The following HIVEP1 variants were observed in gnomAD, a reference collection of about 807,000 sequenced individuals.
HIVEP1 encodes the protein zinc finger protein 40.
A neutral mutation model predicts 180.0 loss-of-function variants in HIVEP1; 36 were observed. The ratio of observed to expected loss-of-function variants is 0.20; its 90% CI spans 0.15 to 0.26. The LOEUF is 0.26. Ranked by LOEUF, HIVEP1 falls within the 10% of genes least tolerant of loss-of-function variation. HIVEP1 has a pLI of 1.00. For synonymous variants in HIVEP1, 1,239 were observed against 1,239.0 expected (o/e 1.00, Z 0.00); for missense variants, 3,143 against 3,268.7 (o/e 0.96, Z 0.94).
chr6:12,058,081 T>C (rs1770991900), intron 2 of HIVEP1, among the ~76,000 whole-genome samples: 1 of 152,144 alleles, frequency 6.6e-6, no homozygotes, highest in Admixed American at 6.5e-5. Flanking sequence ...GGCCAGCATG[T>C]TGAGTTGTCA....
chr6:12,018,625 C>T (rs1767994327), intron 2 of HIVEP1, among the ~76,000 whole-genome samples: 1 of 152,078 alleles, frequency 6.6e-6, no homozygotes, highest in African/African-American at 2.4e-5. Context: ...TTGTAGGGGG[C>T]GCAGTTTGGG....
At chr6:12,147,481 T>G (rs1759448658) in intron 7 of HIVEP1, among the ~76,000 whole-genome samples, 1 of 152,230 alleles carries the variant, frequency 6.6e-6, no homozygotes, top group African/African-American at 2.4e-5. Flanking sequence ...TTATAGGGCT[T>G]TTAATCTGTG....
At chr6:12,167,898 A>T (rs1320489543), downstream of HIVEP1, among the ~76,000 whole-genome samples, 3 of 142,486 alleles carry the variant, frequency 2.1e-5, no homozygotes, top group Non-Finnish European at 4.6e-5. Flanking sequence ...ATGTGCGTAT[A>T]TAATATATAC....
Position 12,121,071 on chromosome 6 carries a change from C to T in HIVEP1, c.1276C>T (p.Arg426Cys), listed in dbSNP as rs756206724. 1 of 1,614,044 alleles carries T rather than the reference C, an allele frequency of 6.2e-7. No individual in the cohort carries two copies. The highest frequency in any genetic ancestry group is 8.5e-7 in the Non-Finnish European group (1 of 1,179,946). The change falls in exon 4 of 9, where the codon CGC becomes TGC. Residue 426 changes from arginine (R) to cysteine (C), a missense_variant. Transcript: ENST00000379388. This position sits in a 1 kb window ranked among gnomAD's most constrained non-coding sequence, Gnocchi z 5.3. ...GCCTAGTGTGCTTTTAAAGCATATC[C>T]GCTCCCACACTGGAGAGCGACCCTA... ...AKPSVLLKHI[R>C]SHTGERPYPC...
At chr6:12,130,237 G>A (rs1290555699) in intron 5 of HIVEP1, among the ~76,000 whole-genome samples, 1 of 152,140 alleles carries the variant, frequency 6.6e-6, no homozygotes, top group Non-Finnish European at 1.5e-5. Flanking sequence ...TGTGTATTTT[G>A]TTGTGAACAA....
At chr6:12,174,188 T>G in the HIVEP1 span, among the ~76,000 whole-genome samples, 2 of 152,202 alleles carry the variant, frequency 1.3e-5, no homozygotes, top group Non-Finnish European at 2.9e-5. Context: ...ATTAAAAGTA[T>G]GTTAACTATT....
In HIVEP1 at chr6:12,163,036, G is replaced by A. The variant is rs1278466078; in HGVS notation, c.6979-247G>A. Among the ~76,000 whole-genome samples, 3 of 152,066 alleles carry A rather than the reference G, an allele frequency of 2.0e-5. No individual in the cohort carries two copies. The East Asian group carries it at 5.8e-4, about 29-fold the overall frequency. ...AATCCAGGAAATTTGCTTCAGACAT[G>A]CAAAAGACTATACAAGATGTATTGC... On this transcript the variant is annotated intron_variant, in intron 8 of 8. Transcript: ENST00000379388.
At chr6:12,180,391 A>G in the HIVEP1 span, among the ~76,000 whole-genome samples, 1 of 152,202 alleles carries the variant, frequency 6.6e-6, no homozygotes, top group Non-Finnish European at 1.5e-5. Flanking sequence ...ATCTTCATCT[A>G]CTGAGGAGAA....
At chr6:12,025,344 T>G (rs975069273) in intron 2 of HIVEP1, among the ~76,000 whole-genome samples, 1 of 152,244 alleles carries the variant, frequency 6.6e-6, no homozygotes, top group African/African-American at 2.4e-5. Context: ...GTTTAGAATC[T>G]ATTTCAAGTT....
chr6:12,197,155 C>A, the HIVEP1 span, among the ~76,000 whole-genome samples: 4 of 152,082 alleles, frequency 2.6e-5, no homozygotes, highest in East Asian at 7.7e-4. Flanking sequence ...GTATGTCTGG[C>A]CTTGTCAATT....
At chr6:12,146,911 G>A (rs1011522663) in intron 7 of HIVEP1, among the ~76,000 whole-genome samples, 2 of 152,220 alleles carry the variant, frequency 1.3e-5, no homozygotes, top group Non-Finnish European at 2.9e-5. Flanking sequence ...CTGGAATCAG[G>A]GAAAGACCGG....
chr6:12,066,072 G>A (rs1056770693), intron 2 of HIVEP1, among the ~76,000 whole-genome samples: 1 of 152,202 alleles, frequency 6.6e-6, no homozygotes, highest in Admixed American at 6.5e-5. Flanking sequence ...TGAGGCAGCA[G>A]TGGGGGAAGG....
At chr6:12,136,080 C>T (rs533095961) in intron 7 of HIVEP1, among the ~76,000 whole-genome samples, 188 bp downstream of exon 7, 7 of 152,082 alleles carry the variant, frequency 4.6e-5, no homozygotes, top group Non-Finnish European at 7.3e-5. Flanking sequence ...ATTCATCTAT[C>T]CCCCACGATG....
At position 12,104,384 on chromosome 6, in the gene HIVEP1, CTCTCTCTTCGTT is replaced by C. The variant is rs1561942189; in HGVS notation, c.94+15155_94+15166del. The stretch of plus-strand genomic sequence containing the variant: ...TTATTCTCTCTCTCTCTCTTTCTCT[CTCTCTCTTCGTT>C]TCTCTCTCTCTCTCTCTCCTTTTCT... On this transcript the variant is annotated intron_variant, in intron 3 of 8. Transcript: ENST00000379388. 3.1e-3 allele frequency among the ~76,000 whole-genome samples: 430 copies of C among 140,256 alleles called. 4 individuals carry two copies. The highest frequency in any genetic ancestry group is 0.011 in the African/African-American group (412 of 37,966). The allele number at this position is 140,256 out of a possible 152,430, so 92.0% of individuals were successfully genotyped here.
At chr6:12,024,835 G>A (rs1332915236) in intron 2 of HIVEP1, among the ~76,000 whole-genome samples, 1 of 152,212 alleles carries the variant, frequency 6.6e-6, no homozygotes, top group African/African-American at 2.4e-5. Context: ...GTTCTTGTGC[G>A]CCTCTCTGAG....
intron 3 of HIVEP1, among the ~76,000 whole-genome samples, chr6:12,108,868 G>A (rs951451057): frequency 6.6e-6 from 1 of 152,220 alleles, no homozygotes; most frequent in Non-Finnish European, 1.5e-5. Context: ...GGGCTCCTCA[G>A]GTGCCGCCAA....
the HIVEP1 span, among the ~76,000 whole-genome samples, chr6:12,198,954 T>C: frequency 6.6e-6 from 1 of 152,124 alleles, no homozygotes; most frequent in Non-Finnish European, 1.5e-5. Flanking sequence ...ATTAAGAAGC[T>C]CTCGTGTTAA....
chr6:12,021,196 A>G (rs974979942), intron 2 of HIVEP1, among the ~76,000 whole-genome samples: 8 of 152,112 alleles, frequency 5.3e-5, no homozygotes, highest in African/African-American at 1.7e-4. Flanking sequence ...CAGACTCCTT[A>G]AAATGTGAGA....
chr6:12,135,360 G>T (rs1758645812), intron 6 of HIVEP1, among the ~76,000 whole-genome samples: 1 of 152,140 alleles, frequency 6.6e-6, no homozygotes, highest in African/African-American at 2.4e-5. Context: ...AAACAATCTT[G>T]CTGAGGATAA....
Sources: allele counts gnomAD v4.1 joint callset (sites outside exome capture counted in the v4.1 genomes callset), GRCh38; gene constraint gnomAD v4.1.1; non-coding constraint Gnocchi (gnomAD v3.1); transcripts MANE v1.5; gene names NCBI Gene and HGNC (gene_info 2026-07-23, HGNC 2026-07-21).